The following DYNC1LI2 variants were observed in gnomAD, a reference collection of about 807,000 sequenced individuals.
DYNC1LI2 encodes cytoplasmic dynein 1 light intermediate chain 2.
Under a neutral mutation model 57.8 loss-of-function variants are expected in DYNC1LI2, and 19 were observed. The ratio of observed to expected loss-of-function variants is 0.33; its 90% CI spans 0.23 to 0.48. The LOEUF is 0.48. Ranked by LOEUF, DYNC1LI2 falls within the 20% of genes least tolerant of loss-of-function variation. The pLI is 0.99. For synonymous variants in DYNC1LI2, 256 were observed against 233.4 expected (o/e 1.10, Z -0.88); for missense variants, 470 against 604.2 (o/e 0.78, Z 2.33).
At chr16:66,740,511 A>C (rs552167930) in intron 4 of DYNC1LI2, among the ~76,000 whole-genome samples, 3 of 152,206 alleles carry the variant, frequency 2.0e-5, no homozygotes, top group African/African-American at 7.2e-5. Flanking sequence ...AGAGAGGCCA[A>C]TGGAAAACCA....
chr16:66,749,733 C>A (rs1294946248), intron 2 of DYNC1LI2, among the ~76,000 whole-genome samples: 1 of 152,102 alleles, frequency 6.6e-6, no homozygotes, highest in African/African-American at 2.4e-5. Context: ...GTACTGTGAA[C>A]TAAAAAAAGT....
intron 3 of DYNC1LI2, among the ~76,000 whole-genome samples, chr16:66,748,823 T>A (rs940655585): frequency 6.6e-6 from 1 of 152,214 alleles, no homozygotes; most frequent in African/African-American, 2.4e-5. Context: ...CAACTTCGGA[T>A]TCTCTACTAG....
intron 4 of DYNC1LI2, among the ~76,000 whole-genome samples, chr16:66,740,413 C>T (rs951740080): frequency 6.6e-6 from 1 of 152,134 alleles, no homozygotes; most frequent in Non-Finnish European, 1.5e-5. Flanking sequence ...AAAATGTAGC[C>T]TAAACCCAGT....
chr16:66,733,266 C>T (rs928981473), intron 6 of DYNC1LI2: 6 of 152,130 alleles, frequency 3.9e-5, no homozygotes, highest in African/African-American at 1.4e-4. Context: ...AAATGTATAG[C>T]ATTAATTAAA....
intron 7 of DYNC1LI2, chr16:66,731,680 A>G (rs998095951): frequency 2.0e-5 from 3 of 152,360 alleles, no homozygotes; most frequent in Non-Finnish European, 4.4e-5. Context: ...TGGGTGCTGA[A>G]TAAGGTTTCC....
At position 66,732,298 on chromosome 16, in the gene DYNC1LI2, T is replaced by C. The variant is rs766846858; in HGVS notation, c.929+41A>G. On this transcript the variant is annotated intron_variant, in intron 7 of 12. Transcript: ENST00000258198. ...TAAAATGTAAAAAGCAAATGTACTTTAAAAAGAAGAGTTTCAAAGCATCAG... is the reference window on the plus strand; with the variant it reads ...TAAAATGTAAAAAGCAAATGTACTTCAAAAAGAAGAGTTTCAAAGCATCAG... 5.6e-6 allele frequency: 9 copies of C among 1,598,446 alleles called. No individual in the cohort carries two copies. In the Admixed American group the frequency reaches 8.9e-5, roughly 16 times the overall value.
intron 4 of DYNC1LI2, 68 bp from the exon 5 acceptor site, chr16:66,736,312 G>A: frequency 1.3e-6 from 2 of 1,553,862 alleles, no homozygotes; most frequent in Non-Finnish European, 1.8e-6. Context: ...TTAGAACACT[G>A]AAAAGAAGGC....
Position 66,742,710 on chromosome 16 carries a change from G to T in DYNC1LI2, c.299-42C>A. 3 of 1,582,764 alleles carry T rather than the reference G, an allele frequency of 1.9e-6. No individual in the cohort carries two copies. In the South Asian group the frequency reaches 3.4e-5, roughly 18 times the overall value. On this transcript the variant is annotated intron_variant, in intron 3 of 12. Transcript: ENST00000258198. The stretch of plus-strand genomic sequence containing the variant: ...ATGAAGCTAGTTACCACCTGACAGT[G>T]ACCATCAGCATAGCTGCAGAAACAG...
chr16:66,737,811 C>A (rs2017762638), intron 4 of DYNC1LI2, among the ~76,000 whole-genome samples: 2 of 152,200 alleles, frequency 1.3e-5, no homozygotes, highest in African/African-American at 4.8e-5. Flanking sequence ...TCAGTTAAGC[C>A]AAGTGACCAC....
chr16:66,746,706 A>C (rs934586826), intron 3 of DYNC1LI2, among the ~76,000 whole-genome samples: 1 of 152,234 alleles, frequency 6.6e-6, no homozygotes, highest in Non-Finnish European at 1.5e-5. Context: ...CTTTCAAAAG[A>C]AACAAAAGGG....
intron 4 of DYNC1LI2, among the ~76,000 whole-genome samples, chr16:66,740,447 A>G (rs1039772098): frequency 6.6e-6 from 1 of 152,228 alleles, no homozygotes; most frequent in African/African-American, 2.4e-5. Flanking sequence ...CCTCCAACAT[A>G]CAACACAAAG....
chr16:66,751,605 G>A lies in DYNC1LI2; in HGVS notation c.-14C>T, dbSNP rs544624180. ...CACCGGCGCCATCTTGCCAACTGCA[G>A]CCACAAAGAGGGCCCTCCCCCGGGC... On this transcript the variant is annotated 5_prime_UTR_variant, in exon 1 of 13. Transcript: ENST00000258198. The surrounding 1 kb of genome is among the most constrained non-coding windows in gnomAD (Gnocchi z 5.2). The A allele has an allele frequency of 4.2e-5, 66 of 1,567,534 alleles. No homozygotes were observed. Among genetic ancestry groups the A allele is most frequent in the South Asian group, 2.6e-4 (23 of 87,370 alleles).
rs575039599 is a variant in DYNC1LI2 at position 66,749,455 on chromosome 16, G to T, written c.182-142C>A. The T allele has an allele frequency of 1.8e-5, 15 of 813,696 alleles. No homozygotes were observed. The East Asian group carries it at 3.3e-4, about 18-fold the overall frequency. The allele number at this position is 813,696 out of a possible 1,614,324, so 50.4% of individuals were successfully genotyped here. ...GTCTCACCTGCTTTCATAAACAAAG[G>T]ACTTTGCTGGAAGAGTGGTTGGGAG... On this transcript the variant is annotated intron_variant, in intron 2 of 12. Coordinates refer to ENST00000258198, the MANE Select transcript of DYNC1LI2 (RefSeq NM_006141.3).
In DYNC1LI2 at chr16:66,727,693, A is replaced by G; in HGVS notation, c.1256T>C (p.Ile419Thr). The G allele has an allele frequency of 6.2e-7, 1 of 1,613,948 alleles. No individual in the cohort carries two copies. Among genetic ancestry groups the G allele is most frequent in the South Asian group, 1.1e-5 (1 of 91,052 alleles). ...TACTTTTGAGGAATACATACTTTTG[A>G]TGTTTGGGTCCGGCTTTTTTACTGA... The part of the protein sequence containing the change: ...GTSVKKPDPN[I>T]KNNAASEGVL... The change falls in exon 11 of 13, where the codon ATC becomes ACC. Residue 419 changes from isoleucine (I) to threonine (T), a missense_variant. By Grantham distance (89) the Ile-to-Thr change is moderately conservative. Coordinates refer to ENST00000258198, the MANE Select transcript of DYNC1LI2 (RefSeq NM_006141.3).
intron 8 of DYNC1LI2, 118 bp from the exon 9 acceptor site, chr16:66,729,217 T>C: frequency 9.3e-7 from 1 of 1,080,250 alleles, no homozygotes; most frequent in Non-Finnish European, 1.4e-6. Flanking sequence ...GGGAGATCCC[T>C]ACTGAGACTG....
intron 5 of DYNC1LI2, among the ~76,000 whole-genome samples, chr16:66,734,884 C>T (rs778610189): frequency 6.8e-6 from 1 of 147,618 alleles, no homozygotes; most frequent in Admixed American, 6.9e-5. Context: ...GTAGTCCCAG[C>T]TACTCAGGAG....
At position 66,742,672 on chromosome 16, in the gene DYNC1LI2, A is replaced by C; in HGVS notation, c.299-4T>G. On this transcript the variant is annotated splice_polypyrimidine_tract_variant and splice_region_variant and intron_variant, in intron 3 of 12. Coordinates refer to ENST00000258198, the MANE Select transcript of DYNC1LI2 (RefSeq NM_006141.3). ...CACACGTTGCAGCGCGTGTGATCTG[A>C]GAAAACAAGTGAATGAAGCTAGTTA... is the stretch of plus-strand genomic sequence containing the variant. The C allele has an allele frequency of 6.2e-7, 1 of 1,613,680 alleles. No individual in the cohort carries two copies. The highest frequency in any genetic ancestry group is 2.2e-5 in the East Asian group (1 of 44,876).
At chr16:66,735,065 TTATTTCTC>T (rs1299783222) in intron 5 of DYNC1LI2, among the ~76,000 whole-genome samples, 73 of 150,364 alleles carry the variant, frequency 4.9e-4, no homozygotes, top group African/African-American at 1.7e-3. Flanking sequence ...AGATACAACT[TTATTTCTC>T]TATTTCTCTA....
At chr16:66,749,789 G>T (rs1252011937) in intron 2 of DYNC1LI2, among the ~76,000 whole-genome samples, 1 of 152,178 alleles carries the variant, frequency 6.6e-6, no homozygotes, top group Non-Finnish European at 1.5e-5. Context: ...ATTCACTTTT[G>T]ATTTTAGTAC....
Sources: gnomAD v4.1 joint callset for allele counts (sites outside exome capture counted in the v4.1 genomes callset) on GRCh38, gnomAD v4.1.1 for gene constraint, Gnocchi (gnomAD v3.1) non-coding constraint, MANE v1.5 for transcripts, NCBI Gene and HGNC (gene_info 2026-07-23, HGNC 2026-07-21) for gene names.